KATNAL2: variants seen among roughly 807,000 people sequenced by gnomAD.
The protein encoded by KATNAL2 is katanin p60 ATPase-containing subunit A-like 2.
A neutral mutation model predicts 76.3 loss-of-function variants in KATNAL2; 52 were observed. That is an observed-to-expected ratio of 0.68 (90% CI 0.55 to 0.86). The LOEUF is 0.86. KATNAL2 is among the 40% of genes least tolerant of loss of function. The pLI is 0.00. For synonymous variants in KATNAL2, 243 were observed against 244.2 expected, an observed-to-expected ratio of 1.00 and a Z score of 0.05; for missense variants, 660 against 668.9, an observed-to-expected ratio of 0.99 and a Z score of 0.15.
intron 3 of KATNAL2, among the ~76,000 whole-genome samples, chr18:47,032,228 G>T (rs73440915): frequency 1.3e-5 from 2 of 152,176 alleles, no homozygotes; most frequent in Non-Finnish European, 2.9e-5. Flanking sequence ...TATGAAATCC[G>T]ATAGTTCCTT....
chr18:46,943,895 T>C (rs1382873537), intron 1 of KATNAL2, among the ~76,000 whole-genome samples: 1 of 152,254 alleles, frequency 6.6e-6, no homozygotes, highest in African/African-American at 2.4e-5. Context: ...CTTCCTGTAC[T>C]AAAGTCCAAA....
chr18:47,062,294 G>A (rs1451484718), intron 8 of KATNAL2, among the ~76,000 whole-genome samples: 1 of 151,956 alleles, frequency 6.6e-6, no homozygotes. Context: ...TGAAGTGGGA[G>A]GATCCCTTGA....
At chr18:46,949,857 T>C (rs981673591) in intron 3 of KATNAL2, among the ~76,000 whole-genome samples, 2 of 152,242 alleles carry the variant, frequency 1.3e-5, no homozygotes, top group African/African-American at 4.8e-5. Context: ...TATTACCCCT[T>C]GGTTTTTGCC....
intron 14 of KATNAL2, 26 bp from the exon 15 acceptor site, chr18:47,077,325 G>A (rs1010908593): frequency 6.4e-7 from 1 of 1,555,428 alleles, no homozygotes; most frequent in Non-Finnish European, 8.9e-7. Flanking sequence ...TGACACTTAG[G>A]AGAATCACGT....
At chr18:47,052,840 C>A (rs756952019) in intron 4 of KATNAL2, 40 bp from the exon 5 acceptor site, 6 of 1,486,000 alleles carry the variant, frequency 4.0e-6, no homozygotes, top group African/African-American at 1.4e-5. Flanking sequence ...ATTCTTTTCA[C>A]CTCAGTTAAT....
chr18:47,077,984 T>A (rs2062319457), intron 15 of KATNAL2, among the ~76,000 whole-genome samples: 1 of 152,200 alleles, frequency 6.6e-6, no homozygotes, highest in South Asian at 2.1e-4. Flanking sequence ...GATGTGGAAT[T>A]GGGAAATAAG....
At chr18:47,034,747 G>A (rs202180726) in intron 3 of KATNAL2, 1 of 1,612,818 alleles carries the variant, frequency 6.2e-7, no homozygotes, top group East Asian at 2.2e-5. Context: ...AGCTGTGCGC[G>A]TTGGAGAGGC....
chr18:46,955,183 T>TTTCTTTCTTTCC (rs1477692403), intron 3 of KATNAL2, among the ~76,000 whole-genome samples: 107 of 147,586 alleles, frequency 7.3e-4, no homozygotes, highest in Middle Eastern at 3.4e-3. Flanking sequence ...TCTTTCTTTC[T>TTTCTTTCTTTCC]TTCCTCTCTC....
chr18:47,033,328 G>T (rs2060576219), intron 3 of KATNAL2: 1 of 1,613,844 alleles, frequency 6.2e-7, no homozygotes, highest in Non-Finnish European at 8.5e-7. Flanking sequence ...CTTGGCCACA[G>T]ATTTGAAACA....
rs2062297636 is a variant in KATNAL2 at position 47,077,572 on chromosome 18, T to G, written c.1211+111T>G. 1.9e-5 allele frequency: 14 copies of G among 728,688 alleles called. No homozygotes were observed. In the South Asian group the frequency reaches 2.3e-4, roughly 12 times the overall value. 45.1% of individuals were successfully genotyped at this position (728,688 alleles called of 1,614,324 possible). ...AAGCTGTGTTGTTTGGCTGCAGCCCTGGAAGATTAATGTGGAGGCTTTACT... is the reference window on the plus strand; with the variant it reads ...AAGCTGTGTTGTTTGGCTGCAGCCCGGGAAGATTAATGTGGAGGCTTTACT... On this transcript the variant is annotated intron_variant, in intron 15 of 17. Transcript: ENST00000683218.
intron 1 of KATNAL2, among the ~76,000 whole-genome samples, chr18:46,928,263 G>A (rs1322263201): frequency 6.6e-6 from 1 of 152,054 alleles, no homozygotes; most frequent in East Asian, 1.9e-4. Flanking sequence ...ATGGGTTTTT[G>A]GTGTGGATGT....
rs34331798 is a variant in KATNAL2 at position 47,044,761 on chromosome 18, C to CAA, written c.52-1687_52-1686dup. On this transcript the variant is annotated intron_variant, in intron 3 of 17. Transcript: ENST00000683218. ...GGGCAACAAGAGCAAGATTCCTTCT[C>CAA]AAAAAAAAAACAAAAACAAAAACAA... Among the ~76,000 whole-genome samples, 548 of 82,472 alleles carry CAA rather than the reference C, an allele frequency of 6.6e-3. 18 individuals are homozygous for CAA. The highest frequency in any genetic ancestry group is 0.023 in the African/African-American group (511 of 21,784). The allele number at this position is 82,472 out of a possible 152,430, so 54.1% of individuals were successfully genotyped here. A position where few individuals can be genotyped will look rare whatever the true frequency, so the allele number is the denominator to read the frequency against.
intron 6 of KATNAL2, among the ~76,000 whole-genome samples, chr18:47,055,325 T>C (rs1320420567): frequency 2.6e-5 from 4 of 152,142 alleles, no homozygotes; most frequent in Non-Finnish European, 5.9e-5. Flanking sequence ...GTGTTTAAAG[T>C]CTTAAAATGC....
intron 2 of KATNAL2, 53 bp downstream of exon 2, chr18:46,946,599 A>G: frequency 1.0e-6 from 1 of 979,832 alleles, no homozygotes; most frequent in Non-Finnish European, 1.2e-6. Context: ...GAAAACCAAA[A>G]CAATTGCAAA....
chr18:46,939,507 G>A (rs191342596), intron 1 of KATNAL2, among the ~76,000 whole-genome samples: 34 of 152,156 alleles, frequency 2.2e-4, no homozygotes, highest in Admixed American at 3.3e-4. Flanking sequence ...AGTATTCATC[G>A]TGTGCCAGGC....
In KATNAL2 at chr18:47,055,918, TAGCAAATGGTTAGAATCAGG is replaced by T. The variant is rs1296409017; in HGVS notation, c.332+1483_332+1502del. 5.3e-5 allele frequency among the ~76,000 whole-genome samples: 8 copies of T among 152,326 alleles called. No individual in the cohort carries two copies. In the East Asian group the frequency reaches 1.5e-3, roughly 29 times the overall value. On this transcript the variant is annotated intron_variant, in intron 6 of 17. Transcript: ENST00000683218. ...GTATGTGGCAAGTGTAAAAGTTGAA[TAGCAAATGGTTAGAATCAGG>T]AGGAATAACTAGGAAAGTAATGAAT...
In KATNAL2 at chr18:47,077,383, CAG is replaced by C; in HGVS notation, c.1136_1137del (p.Glu379ValfsTer22). ...CATGAAGGAAGCCTGCGGATGAAGA[CAG>C]AGTTACTGGTGCAGATGGATGGGCT... is the stretch of plus-strand genomic sequence containing the variant. On this transcript the variant is annotated frameshift_variant, in exon 15 of 18. Coordinates refer to ENST00000683218, the MANE Select transcript of KATNAL2 (RefSeq NM_001387690.1). LOFTEE classifies it high-confidence loss of function. 2 of 1,613,856 alleles carry C rather than the reference CAG, an allele frequency of 1.2e-6. No homozygotes were observed. The highest frequency in any genetic ancestry group is 1.1e-5 in the South Asian group (1 of 91,076).
chr18:47,039,319 C>A (rs1253812623), intron 3 of KATNAL2, among the ~76,000 whole-genome samples: 3 of 152,202 alleles, frequency 2.0e-5, no homozygotes, highest in Middle Eastern at 3.4e-3. Context: ...CTTCCATTGC[C>A]TTGATCAATT....
At chr18:46,929,315 TCA>T (rs2058833448) in intron 1 of KATNAL2, among the ~76,000 whole-genome samples, 2 of 152,052 alleles carry the variant, frequency 1.3e-5, no homozygotes, top group Non-Finnish European at 2.9e-5. Context: ...TGATCGCAGC[TCA>T]CTGCAACCTC....
Sources: allele counts gnomAD v4.1 joint callset (sites outside exome capture counted in the v4.1 genomes callset), GRCh38; gene constraint gnomAD v4.1.1; transcripts MANE v1.5; gene names NCBI Gene and HGNC (gene_info 2026-07-23, HGNC 2026-07-21).